GFOD1: variants seen among roughly 807,000 people sequenced by gnomAD.
GFOD1 encodes the protein glucose-fructose oxidoreductase domain-containing protein 1.
A neutral mutation model predicts 25.4 loss-of-function variants in GFOD1; 9 were observed. That is an observed-to-expected ratio of 0.35 (90% CI 0.21 to 0.62). The LOEUF (loss-of-function observed/expected upper bound fraction) is 0.62, where lower values mean the gene tolerates loss of function less well. Among genes scored for constraint, GFOD1 ranks in the 20% least tolerant of loss-of-function variants. The pLI, the probability that GFOD1 is intolerant of heterozygous loss-of-function variation, is 0.72. For missense variants in GFOD1, 403 were observed against 556.9 expected (o/e 0.72, Z 2.78); for synonymous variants, 253 against 245.6 (o/e 1.03, Z -0.28).
intron 1 of GFOD1, among the ~76,000 whole-genome samples, chr6:13,369,508 T>TAA (rs962775394): frequency 6.6e-6 from 1 of 151,878 alleles, no homozygotes; most frequent in African/African-American, 2.4e-5. Flanking sequence ...TCCCATTTCT[T>TAA]AAAAAAAGCC....
At chr6:13,373,675 C>A (rs942036864) in intron 1 of GFOD1, among the ~76,000 whole-genome samples, 2 of 151,730 alleles carry the variant, frequency 1.3e-5, no homozygotes, top group African/African-American at 4.9e-5. Context: ...TACTGCAACA[C>A]TCCATTTAGC....
chr6:13,379,900 G>A (rs1327686322), intron 1 of GFOD1, among the ~76,000 whole-genome samples: 1 of 152,160 alleles, frequency 6.6e-6, no homozygotes, highest in African/African-American at 2.4e-5. Flanking sequence ...GACGTGGATT[G>A]AAATTCTCAC....
At chr6:13,474,875 C>T (rs575153196) in intron 1 of GFOD1, among the ~76,000 whole-genome samples, 1 of 152,332 alleles carries the variant, frequency 6.6e-6, no homozygotes, top group South Asian at 2.1e-4. Context: ...GAGCACCCCT[C>T]ACCTGGTAGT....
At chr6:13,396,523 G>A (rs1345065589) in intron 1 of GFOD1, among the ~76,000 whole-genome samples, 1 of 152,212 alleles carries the variant, frequency 6.6e-6, no homozygotes, top group Non-Finnish European at 1.5e-5. Flanking sequence ...TCGACATCCC[G>A]ATCCCCAGAG....
chr6:13,383,230 G>A (rs1346728566), intron 1 of GFOD1, among the ~76,000 whole-genome samples: 1 of 152,200 alleles, frequency 6.6e-6, no homozygotes, highest in Non-Finnish European at 1.5e-5. Context: ...GGTCACCCAG[G>A]TTGCCATCAA....
chr6:13,409,097 G>T (rs559337927), intron 1 of GFOD1, among the ~76,000 whole-genome samples: 7 of 52,830 alleles, frequency 1.3e-4, no homozygotes, highest in Admixed American at 2.9e-4. Flanking sequence ...AGGAAAGAAA[G>T]AAAGAAAGAA....
intron 1 of GFOD1, among the ~76,000 whole-genome samples, chr6:13,400,711 A>G (rs753614779): frequency 2.0e-5 from 3 of 152,214 alleles, no homozygotes; most frequent in Non-Finnish European, 4.4e-5. Context: ...CATGTCTTAC[A>G]TGCAGATGAA....
At chr6:13,461,325 GAGA>G (rs1392692060) in intron 1 of GFOD1, among the ~76,000 whole-genome samples, 2 of 152,188 alleles carry the variant, frequency 1.3e-5, no homozygotes, top group Non-Finnish European at 2.9e-5. Context: ...AGCTGCTAGG[GAGA>G]AGGAGGGACA....
intron 1 of GFOD1, among the ~76,000 whole-genome samples, chr6:13,390,746 A>T (rs2127561050): frequency 8.5e-6 from 1 of 117,252 alleles, no homozygotes; most frequent in South Asian, 2.7e-4. Flanking sequence ...AAAGAAAGAC[A>T]GGAAGAGAGA....
At chr6:13,448,669 T>C (rs1758045255) in intron 1 of GFOD1, among the ~76,000 whole-genome samples, 1 of 152,248 alleles carries the variant, frequency 6.6e-6, no homozygotes, top group Non-Finnish European at 1.5e-5. Flanking sequence ...ATCTGCCTAC[T>C]GCCTGCATGT....
intron 1 of GFOD1, among the ~76,000 whole-genome samples, chr6:13,454,148 A>G (rs188105558): frequency 4.1e-4 from 62 of 152,336 alleles, no homozygotes; most frequent in Middle Eastern, 3.4e-3. Flanking sequence ...CCTCAGGCCA[A>G]GGAGCATCAG....
chr6:13,386,008 C>T (rs1419366973), intron 1 of GFOD1, among the ~76,000 whole-genome samples: 1 of 151,914 alleles, frequency 6.6e-6, no homozygotes, highest in East Asian at 1.9e-4. Flanking sequence ...GACTCCATGA[C>T]TCCATTCCCT....
At chr6:13,392,270 G>A (rs1011779654) in intron 1 of GFOD1, among the ~76,000 whole-genome samples, 4 of 151,452 alleles carry the variant, frequency 2.6e-5, no homozygotes, top group South Asian at 2.1e-4. Flanking sequence ...GGCTGAGACG[G>A]GAGGATCACT....
rs766088266 is a variant in GFOD1, at chr6:13,365,666, CG to C, written c.254-5del. The stretch of plus-strand genomic sequence containing the variant: ...CAGATGACGTTCTTGCCGATGCCTG[CG>C]GGTGGGAGGAAGACAGCGGTCAGCG... On this transcript the variant is annotated splice_region_variant and splice_polypyrimidine_tract_variant and intron_variant, in intron 1 of 1. Transcript: ENST00000379287. The surrounding 1 kb of genome is among the most constrained non-coding windows in gnomAD (Gnocchi z 9.2). The C allele has an allele frequency of 6.3e-7, 1 of 1,588,118 alleles. No individual in the cohort carries two copies. Among genetic ancestry groups the C allele is most frequent in the Non-Finnish European group, 8.5e-7 (1 of 1,171,150 alleles).
chr6:13,438,648 G>A (rs1175059721), intron 1 of GFOD1, among the ~76,000 whole-genome samples: 7 of 151,800 alleles, frequency 4.6e-5, no homozygotes, highest in Admixed American at 1.3e-4. Flanking sequence ...ATCTCTAATC[G>A]TCATCACCCA....
chr6:13,487,032 G>GCTCTGGGCA lies in GFOD1; in HGVS notation c.-143_-142insTGCCCAGAG. 1 of 1,019,380 alleles carries GCTCTGGGCA rather than the reference G, an allele frequency of 9.8e-7. No individual in the cohort carries two copies. The highest frequency in any genetic ancestry group is 1.4e-6 in the Non-Finnish European group (1 of 716,424). 63.1% of individuals were successfully genotyped at this position (1,019,380 alleles called of 1,614,324 possible). A position where few individuals can be genotyped will look rare whatever the true frequency, so the allele number is the denominator to read the frequency against. The stretch of plus-strand genomic sequence containing the variant: ...CCAGCCGCCGTGCACCGGGCAAGGC[G>GCTCTGGGCA]CCCGGGTGCCCAGAGCGCACCGAGC... On this transcript the variant is annotated 5_prime_UTR_variant, in exon 1 of 2. Transcript: ENST00000379287. The surrounding 1 kb of genome is among the most constrained non-coding windows in gnomAD (Gnocchi z 4.9).
chr6:13,484,729 T>C (rs1433679982), intron 1 of GFOD1, among the ~76,000 whole-genome samples: 1 of 152,156 alleles, frequency 6.6e-6, no homozygotes, highest in South Asian at 2.1e-4. Context: ...CCCCAGACAC[T>C]TTCATGGCCA....
chr6:13,393,362 A>C (rs1212947042), intron 1 of GFOD1, among the ~76,000 whole-genome samples: 3 of 110,784 alleles, frequency 2.7e-5, no homozygotes, highest in Non-Finnish European at 5.6e-5. Flanking sequence ...TCTCAAAAAC[A>C]ACCACCAAAA....
At chr6:13,415,173 T>C (rs1786142783) in intron 1 of GFOD1, among the ~76,000 whole-genome samples, 1 of 152,162 alleles carries the variant, frequency 6.6e-6, no homozygotes, top group African/African-American at 2.4e-5. Context: ...ACTTAAAATA[T>C]TCCTCACAGA....
Sources: allele counts gnomAD v4.1 joint callset (sites outside exome capture counted in the v4.1 genomes callset), GRCh38; gene constraint gnomAD v4.1.1; non-coding constraint Gnocchi (gnomAD v3.1); transcripts MANE v1.5; gene names NCBI Gene and HGNC (gene_info 2026-07-23, HGNC 2026-07-21).